COL6A3: variants seen among roughly 807,000 people sequenced by gnomAD.
COL6A3 encodes the protein collagen type VI alpha 3 chain.
Under a neutral mutation model 274.1 loss-of-function variants are expected in COL6A3, and 137 were observed. The observed-to-expected ratio is 0.50, with a 90% CI of 0.44 to 0.58. COL6A3 has a LOEUF of 0.58. Ranked by LOEUF, COL6A3 falls within the 20% of genes least tolerant of loss-of-function variation. COL6A3 has a pLI of 0.00. For missense variants in COL6A3, 3,950 were observed against 4,124.9 expected, an observed-to-expected ratio of 0.96 and a Z score of 1.16; for synonymous variants, 1,650 against 1,650.6, an observed-to-expected ratio of 1.00 and a Z score of 0.01.
rs994663458 is a variant in COL6A3, at chr2:237,393,457, C to T, written c.709+1130G>A. Among the ~76,000 whole-genome samples the T allele has an allele frequency of 7.2e-5, 11 of 152,316 alleles. No individual in the cohort carries two copies. The South Asian group carries it at 2.3e-3, about 32-fold the overall frequency. On this transcript the variant is annotated intron_variant, in intron 3 of 43. Coordinates refer to ENST00000295550, the MANE Select transcript of COL6A3 (RefSeq NM_004369.4). Reference sequence around the variant, plus strand: ...CAACTTGAACTCTCTCAATGTGCCTCTTATCCACCTGAATATCTTGGAAAC... The same window carrying T: ...CAACTTGAACTCTCTCAATGTGCCTTTTATCCACCTGAATATCTTGGAAAC...
rs80193928 is a variant in COL6A3, at chr2:237,340,921, T to G, written c.7995A>C (p.Ala2665=). 3.6e-3 allele frequency: 5,782 copies of G among 1,613,330 alleles called. 165 individuals are homozygous for G. In the African/African-American group the frequency reaches 0.058, roughly 16 times the overall value. Residue 2665 remains alanine, a synonymous_variant, in exon 38 of 44, where the codon GCA becomes GCC. Coordinates refer to ENST00000295550, the MANE Select transcript of COL6A3 (RefSeq NM_004369.4). ...PKASQHFARV[A]VVQHAPSESV... Reference sequence around the variant, plus strand: ...ACTCAGAGGGCGCGTGCTGCACAACTGCCACTCTGGCGAAGTGCTGGGAGG... The same window carrying G: ...ACTCAGAGGGCGCGTGCTGCACAACGGCCACTCTGGCGAAGTGCTGGGAGG...
chr2:237,399,237 G>A (rs2078528540), intron 1 of COL6A3, among the ~76,000 whole-genome samples: 2 of 152,192 alleles, frequency 1.3e-5, no homozygotes, highest in South Asian at 4.1e-4. Context: ...CAGAGATGTT[G>A]GGGAAAGACA....
chr2:237,384,576 G>T (rs141325189), intron 4 of COL6A3, among the ~76,000 whole-genome samples: 20 of 151,998 alleles, frequency 1.3e-4, no homozygotes, highest in African/African-American at 4.1e-4. Context: ...TGCCACGCTC[G>T]GAACTCCAGA....
intron 1 of COL6A3, among the ~76,000 whole-genome samples, chr2:237,411,949 A>G (rs1201075884): frequency 6.6e-6 from 1 of 152,122 alleles, no homozygotes; most frequent in Admixed American, 6.5e-5. Context: ...ACACCCTCCA[A>G]TGCCTGGATA....
intron 27 of COL6A3, 73 bp from the exon 28 acceptor site, chr2:237,350,282 T>C: frequency 6.9e-7 from 1 of 1,442,752 alleles, no homozygotes; most frequent in East Asian, 2.3e-5. Flanking sequence ...GCCATGCTTT[T>C]GCTCTAGGTA....
At chr2:237,346,648 A>C (rs1196456542) in intron 31 of COL6A3, 83 bp from the exon 32 acceptor site, 2 of 1,284,320 alleles carry the variant, frequency 1.6e-6, no homozygotes, top group East Asian at 4.7e-5. Context: ...GTACGGTAAA[A>C]GTGATCTAAC....
chr2:237,349,149 C>T (rs527449012), intron 28 of COL6A3, among the ~76,000 whole-genome samples: 24 of 151,420 alleles, frequency 1.6e-4, no homozygotes, highest in Admixed American at 7.2e-4. Flanking sequence ...CCCCTCCTTT[C>T]CAACACCTCC....
chr2:237,398,003 C>T (rs2078494260), intron 1 of COL6A3, among the ~76,000 whole-genome samples: 1 of 152,192 alleles, frequency 6.6e-6, no homozygotes, highest in South Asian at 2.1e-4. Context: ...GGTTTTGACA[C>T]CCAGCTTAAG....
At chr2:237,342,482 G>GGT in intron 36 of COL6A3, 1 of 339,876 alleles carries the variant, frequency 2.9e-6, no homozygotes, top group South Asian at 3.4e-5. Flanking sequence ...GTTAGTAACT[G>GGT]GTGTATCCTC....
chr2:237,334,952 C>T, intron 40 of COL6A3, 63 bp from the exon 41 acceptor site: 6 of 1,587,174 alleles, frequency 3.8e-6, no homozygotes, highest in East Asian at 2.2e-5. Flanking sequence ...AGTGCATGAG[C>T]GAGAGAGGAA....
chr2:237,378,244 A>G (rs372127701), intron 6 of COL6A3, among the ~76,000 whole-genome samples: 79 of 152,336 alleles, frequency 5.2e-4, no homozygotes, highest in African/African-American at 1.8e-3. Context: ...AAAATCATGT[A>G]AAAATACAAT....
intron 3 of COL6A3, among the ~76,000 whole-genome samples, chr2:237,388,657 C>G (rs888553287): frequency 6.6e-6 from 1 of 152,172 alleles, no homozygotes; most frequent in Non-Finnish European, 1.5e-5. Flanking sequence ...ATTTTTTATA[C>G]AAATCCACAG....
At chr2:237,331,707 G>A (rs1343043101) in intron 42 of COL6A3, among the ~76,000 whole-genome samples, 1 of 134,316 alleles carries the variant, frequency 7.4e-6, no homozygotes, top group African/African-American at 2.9e-5. Flanking sequence ...CAATTATGCA[G>A]GGCCTTGTTC....
At chr2:237,378,608 G>A in intron 6 of COL6A3, 28 bp downstream of exon 6, 3 of 1,612,156 alleles carry the variant, frequency 1.9e-6, no homozygotes, top group Non-Finnish European at 2.5e-6. Flanking sequence ...GGAAGGAGAG[G>A]GAGTTCCCGG....
chr2:237,376,679 G>T, intron 7 of COL6A3, 93 bp downstream of exon 7: 1 of 1,247,518 alleles, frequency 8.0e-7, no homozygotes, highest in Non-Finnish European at 1.2e-6. Flanking sequence ...ACTCAAGGAG[G>T]GCTTCTATCT....
intron 1 of COL6A3, among the ~76,000 whole-genome samples, chr2:237,401,554 C>T (rs1320973162): frequency 6.6e-6 from 1 of 152,124 alleles, no homozygotes; most frequent in Non-Finnish European, 1.5e-5. Context: ...AGCTCAGCCA[C>T]ACTCTGAGCA....
chr2:237,372,084 G>T lies in COL6A3; in HGVS notation c.3933C>A (p.Asn1311Lys). ...ACACGTACTCCAGGGCATTGCCCAC[G>T]TTGATCTGCCGCCCTCCCTTGGGCC... ...RLRPKGGRQI[N>K]VGNALEYVSR... is the part of the protein sequence containing the mutation. The change falls in exon 9 of 44, where the codon AAC becomes AAA. Residue 1311 changes from asparagine to lysine, a missense_variant. This residue lies in a region of COL6A3 where 1,934 missense variants were observed against 1,984.3 expected (regional missense o/e 0.97). Transcript: ENST00000295550. The T allele has an allele frequency of 4.3e-6, 7 of 1,614,000 alleles. No homozygotes were observed. Among genetic ancestry groups the T allele is most frequent in the Non-Finnish European group, 5.9e-6 (7 of 1,180,022 alleles).
rs1700452600 is a variant in COL6A3 at position 237,334,880 on chromosome 2, G to A, written c.8975C>T (p.Ser2992Phe). 1.2e-6 allele frequency: 2 copies of A among 1,614,166 alleles called. No individual in the cohort carries two copies. The highest frequency in any genetic ancestry group is 1.7e-6 in the Non-Finnish European group (2 of 1,180,032). Residue 2992 changes from serine (S) to phenylalanine (F), a missense_variant, in exon 41 of 44, where the codon TCC becomes TTC. Physicochemically the swap from Ser to Phe is radical, Grantham distance 155. Transcript: ENST00000295550. Reference protein sequence around the residue: ...PATTKPMVKMSREVQVFEITE... With the variant: ...PATTKPMVKMFREVQVFEITE... ...TATCTCAAACACCTGGACTTCACGG[G>A]ACATCTTAACTGAAAGATAGATCAG...
At position 237,347,529 on chromosome 2, in the gene COL6A3, G is replaced by A. The variant is rs75307533; in HGVS notation, c.7029+278C>T. Reference sequence around the variant, plus strand: ...TTCCCAGTCACCCATAATGAGATTCGAGACTGCAGGTGGGTGCTGTGCCTG... The same window carrying A: ...TTCCCAGTCACCCATAATGAGATTCAAGACTGCAGGTGGGTGCTGTGCCTG... On this transcript the variant is annotated intron_variant, in intron 31 of 43. Transcript: ENST00000295550. 6.1e-4 allele frequency among the ~76,000 whole-genome samples: 93 copies of A among 152,234 alleles called. No homozygotes were observed. In the East Asian group the frequency reaches 0.016, roughly 26 times the overall value.
Sources: allele counts gnomAD v4.1 joint callset (sites outside exome capture counted in the v4.1 genomes callset), GRCh38; gene constraint gnomAD v4.1.1; regional missense constraint gnomAD v4.1.1; transcripts MANE v1.5; gene names NCBI Gene and HGNC (gene_info 2026-07-23, HGNC 2026-07-21).